Variants in TULP4 observed in about 807,000 individuals in gnomAD.
The protein encoded by TULP4 is TUB like protein 4, also known as tubby-related protein 4.
Under a neutral mutation model 129.0 loss-of-function variants are expected in TULP4, and 16 were observed. The observed-to-expected ratio is 0.12, with a 90% CI of 0.08 to 0.19. The LOEUF (loss-of-function observed/expected upper bound fraction) is 0.19. Among genes scored for constraint, TULP4 ranks in the 10% least tolerant of loss-of-function variants. The probability of loss-of-function intolerance (pLI) is 1.00; values close to 1 mark genes in which losing one functional copy is unlikely to be tolerated. For missense variants in TULP4, 1,842 were observed against 2,059.1 expected, an observed-to-expected ratio of 0.89 and a Z score of 2.04; for synonymous variants, 998 against 854.0, an observed-to-expected ratio of 1.17 and a Z score of -2.94.
chr6:158,421,179 G>A (rs1778330133), intron 2 of TULP4, among the ~76,000 whole-genome samples: 1 of 152,090 alleles, frequency 6.6e-6, no homozygotes, highest in African/African-American at 2.4e-5. Context: ...GGCTAACACG[G>A]TGAAACCCTG....
Position 158,406,976 on chromosome 6 carries a change from GATCT to G in TULP4, c.253-6088_253-6085del, listed in dbSNP as rs1157509900. On this transcript the variant is annotated intron_variant, in intron 1 of 13. Coordinates refer to ENST00000367097, the MANE Select transcript of TULP4 (RefSeq NM_020245.5). ...CCCAGATTCCAGGGCTTTGACCACAGATCTGTTTTCTGAGTTCCTGTATTATCTC... is the reference window on the plus strand; with the variant it reads ...CCCAGATTCCAGGGCTTTGACCACAGGTTTTCTGAGTTCCTGTATTATCTC... Among the ~76,000 whole-genome samples the G allele has an allele frequency of 7.2e-5, 11 of 152,296 alleles. No homozygotes were observed. The East Asian group carries it at 2.1e-3, about 29-fold the overall frequency.
chr6:158,394,344 C>T (rs1777656557), intron 1 of TULP4, among the ~76,000 whole-genome samples: 1 of 152,196 alleles, frequency 6.6e-6, no homozygotes, highest in Non-Finnish European at 1.5e-5. Flanking sequence ...CACAATCCTC[C>T]TGTCTTCTGA....
intron 1 of TULP4, among the ~76,000 whole-genome samples, chr6:158,385,082 A>C (rs1583821597): frequency 6.6e-6 from 1 of 152,172 alleles, no homozygotes; most frequent in African/African-American, 2.4e-5. Context: ...CGCCCACGTC[A>C]GTGTGTTGAT....
intron 1 of TULP4, among the ~76,000 whole-genome samples, chr6:158,256,437 T>C (rs764549719): frequency 1.3e-5 from 2 of 152,244 alleles, no homozygotes; most frequent in Non-Finnish European, 2.9e-5. Context: ...AACATCCTGT[T>C]GTTCTCTAAG....
chr6:158,238,233 G>C, intron 1 of TULP4: 1 of 952,656 alleles, frequency 1.0e-6, no homozygotes, highest in Non-Finnish European at 1.7e-6. Context: ...TTTTCTTGAT[G>C]CTGATCTGAA....
At position 158,257,212 on chromosome 6, in the gene TULP4, A is replaced by G. The variant is rs1444524176; in HGVS notation, n.68+24909A>G. On this transcript the variant is annotated intron_variant and non_coding_transcript_variant, in intron 1 of 1. Coordinates refer to the TULP4 transcript ENST00000620026. ...CCCCTGCCCCCTCTCCCTCCCAAAA[A>G]ACAAAAAGCCAGGACTCTGTTCGTT... Among the ~76,000 whole-genome samples, 6 of 152,106 alleles carry G rather than the reference A, an allele frequency of 3.9e-5. No homozygotes were observed. The East Asian group carries it at 1.2e-3, about 29-fold the overall frequency.
At chr6:158,442,302 T>C (rs1427349026) in intron 3 of TULP4, among the ~76,000 whole-genome samples, 1 of 152,120 alleles carries the variant, frequency 6.6e-6, no homozygotes, top group Non-Finnish European at 1.5e-5. Context: ...TATATTTCAG[T>C]GTGTTTTGAA....
chr6:158,461,799 T>G, intron 6 of TULP4, 70 bp downstream of exon 6: 1 of 1,496,290 alleles, frequency 6.7e-7, no homozygotes, highest in South Asian at 1.3e-5. Flanking sequence ...ATAATTATTG[T>G]TGACAAATTT....
At chr6:158,443,996 G>T (rs980277850) in intron 3 of TULP4, among the ~76,000 whole-genome samples, 6 of 152,066 alleles carry the variant, frequency 3.9e-5, no homozygotes, top group Admixed American at 2.0e-4. Flanking sequence ...AGGGTGGGCG[G>T]ATCACAAGGT....
intron 1 of TULP4, among the ~76,000 whole-genome samples, chr6:158,372,192 T>A (rs1583808899): frequency 1.6e-5 from 1 of 61,124 alleles, no homozygotes; most frequent in African/African-American, 6.4e-5. Flanking sequence ...AAGAAAAAGC[T>A]ATTTGGGTGA....
chr6:158,450,646 GC>G (rs1779143939), intron 4 of TULP4, among the ~76,000 whole-genome samples: 1 of 151,876 alleles, frequency 6.6e-6, no homozygotes, highest in East Asian at 1.9e-4. Flanking sequence ...TATTTCTACA[GC>G]CTCATAATAG....
intron 1 of TULP4, among the ~76,000 whole-genome samples, chr6:158,402,479 G>A (rs148688013): frequency 1.5e-3 from 221 of 152,336 alleles, no homozygotes; most frequent in African/African-American, 5.2e-3. Flanking sequence ...TATGAATTGA[G>A]GGAAGTGCAG....
At chr6:158,402,602 A>G (rs992431210) in intron 1 of TULP4, among the ~76,000 whole-genome samples, 2 of 152,232 alleles carry the variant, frequency 1.3e-5, no homozygotes, top group African/African-American at 4.8e-5. Context: ...CATTTTAGAC[A>G]TTATTGTTGG....
At chr6:158,364,854 A>G (rs1272771475) in intron 1 of TULP4, among the ~76,000 whole-genome samples, 1 of 152,012 alleles carries the variant, frequency 6.6e-6, no homozygotes, top group Non-Finnish European at 1.5e-5. Flanking sequence ...CTCCTGACTC[A>G]GCCTTCCGAG....
At chr6:158,276,273 A>C in intron 1 of TULP4, among the ~76,000 whole-genome samples, 1 of 150,286 alleles carries the variant, frequency 6.7e-6, no homozygotes, top group East Asian at 2.0e-4. Context: ...CCCGGCTGGG[A>C]GACTTTTTCT....
At chr6:158,372,131 T>TG (rs999665532) in intron 1 of TULP4, among the ~76,000 whole-genome samples, 1 of 75,700 alleles carries the variant, frequency 1.3e-5, no homozygotes, top group Non-Finnish European at 3.0e-5. Flanking sequence ...TAGTTTTTTT[T>TG]TTTTTTTTTT....
At chr6:158,418,090 T>C (rs1338774851) in intron 2 of TULP4, among the ~76,000 whole-genome samples, 2 of 146,818 alleles carry the variant, frequency 1.4e-5, no homozygotes, top group Admixed American at 1.4e-4. Flanking sequence ...TGCCTTTTTG[T>C]GTGTGTGTGT....
intron 1 of TULP4, among the ~76,000 whole-genome samples, chr6:158,355,250 T>C (rs1198029602): frequency 3.9e-5 from 6 of 152,026 alleles, no homozygotes; most frequent in Non-Finnish European, 8.8e-5. Flanking sequence ...GCCCAGGTAA[T>C]TAAAATAATT....
intron 3 of TULP4, among the ~76,000 whole-genome samples, chr6:158,442,150 A>G (rs565801500): frequency 6.6e-6 from 1 of 152,116 alleles, no homozygotes; most frequent in Non-Finnish European, 1.5e-5. Flanking sequence ...ACCGGTCACA[A>G]GTGCTGTTGG....
Sources: gnomAD v4.1 joint callset for allele counts (sites outside exome capture counted in the v4.1 genomes callset) on GRCh38, gnomAD v4.1.1 for gene constraint, MANE v1.5 for transcripts, NCBI Gene and HGNC (gene_info 2026-07-23, HGNC 2026-07-21) for gene names.